The following PDZD2 variants were observed in gnomAD, a reference collection of about 807,000 sequenced individuals.
The protein encoded by PDZD2 is PDZ domain containing 2.
PDZD2 carries 90 observed loss-of-function variants against 220.7 expected under a neutral mutation model. That is an observed-to-expected ratio of 0.41 (90% CI 0.34 to 0.49). The LOEUF is 0.49. Among genes scored for constraint, PDZD2 ranks in the 20% least tolerant of loss-of-function variants. The pLI is 0.28. For synonymous variants in PDZD2, 1,375 were observed against 1,450.5 expected (o/e 0.95, Z 1.18); for missense variants, 3,174 against 3,608.5 (o/e 0.88, Z 3.08).
intron 2 of PDZD2, among the ~76,000 whole-genome samples, chr5:31,881,723 CA>C (rs1489419315): frequency 6.7e-6 from 1 of 149,624 alleles, no homozygotes; most frequent in Non-Finnish European, 1.5e-5. Flanking sequence ...TATACACACA[CA>C]TTTTTTTTTG....
At chr5:31,885,668 T>C (rs1740393560) in intron 2 of PDZD2, among the ~76,000 whole-genome samples, 4 of 152,008 alleles carry the variant, frequency 2.6e-5, no homozygotes, top group Non-Finnish European at 1.5e-5. Flanking sequence ...AAAAGAAAAA[T>C]AATAAAACAT....
intron 6 of PDZD2, among the ~76,000 whole-genome samples, chr5:32,023,989 C>T (rs57693190): frequency 0.022 from 3,383 of 152,366 alleles, 124 homozygotes; most frequent in African/African-American, 0.078. Context: ...ACACCATCTA[C>T]ACTACCTGCC....
intron 1 of PDZD2, among the ~76,000 whole-genome samples, chr5:31,681,669 AT>A (rs1218843386): frequency 2.0e-5 from 3 of 152,274 alleles, no homozygotes; most frequent in African/African-American, 7.2e-5. Context: ...ACAAAATGCT[AT>A]GTGGAAGAGT....
At chr5:31,660,636 G>A (rs1303916718) in intron 1 of PDZD2, among the ~76,000 whole-genome samples, 1 of 152,196 alleles carries the variant, frequency 6.6e-6, no homozygotes, top group East Asian at 1.9e-4. Context: ...CAGCATGGGG[G>A]TAACTGCTGC....
chr5:31,662,881 T>TC (rs1745832420), intron 1 of PDZD2, among the ~76,000 whole-genome samples: 1 of 152,192 alleles, frequency 6.6e-6, no homozygotes, highest in Admixed American at 6.5e-5. Context: ...CCACCCGCTG[T>TC]GGCCTCCCAA....
At chr5:32,008,278 T>C (rs1359338153) in intron 5 of PDZD2, among the ~76,000 whole-genome samples, 1 of 148,264 alleles carries the variant, frequency 6.7e-6, no homozygotes, top group African/African-American at 2.6e-5. Context: ...CTAATCTCTT[T>C]TGTTTCTTTT....
chr5:32,094,161 A>C (rs1009685907), intron 21 of PDZD2, among the ~76,000 whole-genome samples: 2 of 151,574 alleles, frequency 1.3e-5, no homozygotes, highest in Non-Finnish European at 2.9e-5. Flanking sequence ...GGACCTGTAC[A>C]GTTTGAGCCT....
intron 3 of PDZD2, among the ~76,000 whole-genome samples, chr5:31,991,133 G>C (rs1215312734): frequency 1.3e-5 from 2 of 152,224 alleles, no homozygotes; most frequent in Non-Finnish European, 2.9e-5. Flanking sequence ...CTTGGAGTTT[G>C]AACCTTATTC....
intron 2 of PDZD2, among the ~76,000 whole-genome samples, chr5:31,869,545 CAG>C (rs1428347904): frequency 1.3e-5 from 2 of 151,452 alleles, no homozygotes; most frequent in African/African-American, 4.9e-5. Flanking sequence ...GCCTGGGCGA[CAG>C]AGCGAGACTC....
intron 2 of PDZD2, among the ~76,000 whole-genome samples, chr5:31,887,505 TGGA>T (rs1216395857): frequency 6.6e-6 from 1 of 152,116 alleles, no homozygotes; most frequent in Admixed American, 6.6e-5. Context: ...GTGTTGAGGA[TGGA>T]GGAGAGCTAG....
rs144448081 is a variant in PDZD2 at position 31,966,328 on chromosome 5, C to T, written c.477-16827C>T. 1.8e-3 allele frequency among the ~76,000 whole-genome samples: 267 copies of T among 152,266 alleles called. 2 individuals are homozygous for T. Among genetic ancestry groups the T allele is most frequent in the African/African-American group, 5.6e-3 (231 of 41,550 alleles). ...CCCCCCATGTCTTTTATAAAACCCA[C>T]GTTAGTTTTTGGAACTCCTAAAATA... On this transcript the variant is annotated intron_variant, in intron 2 of 24. Coordinates refer to ENST00000438447, the MANE Select transcript of PDZD2 (RefSeq NM_178140.4).
rs1318214917 is a variant in PDZD2 at position 32,000,702 on chromosome 5, G to T, written c.1254+431G>T. Among the ~76,000 whole-genome samples the T allele has an allele frequency of 6.6e-5, 10 of 152,090 alleles. No individual in the cohort carries two copies. The highest frequency in any genetic ancestry group is 2.1e-4 in the South Asian group (1 of 4,820). ...ATTTTGTATTTTTTATAGAGATGGG[G>T]TTTCTCCATGTTGGTCAGGCTGGTC... On this transcript the variant is annotated intron_variant, in intron 5 of 24. Transcript: ENST00000438447. The surrounding 1 kb of genome is among the most constrained non-coding windows in gnomAD (Gnocchi z 4.5).
At chr5:31,793,763 C>T (rs911621078) in intron 1 of PDZD2, among the ~76,000 whole-genome samples, 26 of 152,132 alleles carry the variant, frequency 1.7e-4, no homozygotes, top group Non-Finnish European at 2.6e-4. Flanking sequence ...GCCCAGATCG[C>T]GCCATTGCAC....
intron 7 of PDZD2, among the ~76,000 whole-genome samples, chr5:32,048,255 C>T (rs1182934336): frequency 1.3e-5 from 2 of 152,230 alleles, no homozygotes; most frequent in African/African-American, 4.8e-5. Context: ...TCCACCAGAG[C>T]TACATCTTAT....
chr5:31,730,592 G>GGTGTGTGT (rs55673526), intron 1 of PDZD2, among the ~76,000 whole-genome samples: 10 of 121,172 alleles, frequency 8.3e-5, no homozygotes, highest in Non-Finnish European at 1.4e-4. Flanking sequence ...GTGTGTGTGT[G>GGTGTGTGT]GTGTGTGTGT....
chr5:31,813,060 A>C (rs1755215733), intron 2 of PDZD2, among the ~76,000 whole-genome samples: 2 of 152,230 alleles, frequency 1.3e-5, no homozygotes, highest in Admixed American at 6.5e-5. Flanking sequence ...ACTTACAACC[A>C]CTAGCATTAA....
chr5:32,088,400 G>T lies in PDZD2; in HGVS notation c.4952G>T (p.Cys1651Phe). Residue 1651 changes from cysteine (C) to phenylalanine (F), a missense_variant, in exon 20 of 25, where the codon TGC becomes TTC. Around this residue, in one of 4 missense-constraint regions of PDZD2, gnomAD observed 1,861 missense variants for 2,001.0 expected, o/e 0.93. Coordinates refer to ENST00000438447, the MANE Select transcript of PDZD2 (RefSeq NM_178140.4). The surrounding 1 kb of genome is among the most constrained non-coding windows in gnomAD (Gnocchi z 4.6). The stretch of plus-strand genomic sequence containing the variant: ...GCCAGTCCCCGTGAGAAGGCCGCCT[G>T]CTTGCCAGGCTCATACACTTCAGGC... ...SVASPREKAA[C>F]LPGSYTSGPD... The T allele has an allele frequency of 1.2e-6, 2 of 1,613,974 alleles. No individual in the cohort carries two copies. Among genetic ancestry groups the T allele is most frequent in the Non-Finnish European group, 1.7e-6 (2 of 1,179,960 alleles).
intron 1 of PDZD2, among the ~76,000 whole-genome samples, chr5:31,682,671 C>CTGTG (rs70955735): frequency 3.5e-4 from 51 of 146,344 alleles, no homozygotes; most frequent in African/African-American, 1.3e-3. Flanking sequence ...AGTCTTTCGG[C>CTGTG]TGTGTGTGTG....
At chr5:31,696,431 G>A (rs2150131152) in intron 1 of PDZD2, among the ~76,000 whole-genome samples, 1 of 151,988 alleles carries the variant, frequency 6.6e-6, no homozygotes, top group South Asian at 2.1e-4. Context: ...CTTCAGCTGG[G>A]ACTACAGGCA....
Sources: gnomAD v4.1 joint callset for allele counts (sites outside exome capture counted in the v4.1 genomes callset) on GRCh38, gnomAD v4.1.1 for gene constraint, gnomAD v4.1.1 regional missense constraint, Gnocchi (gnomAD v3.1) non-coding constraint, MANE v1.5 for transcripts, NCBI Gene and HGNC (gene_info 2026-07-23, HGNC 2026-07-21) for gene names.